SLC22A23: variants seen among roughly 807,000 people sequenced by gnomAD.
SLC22A23 encodes the protein ion transporter protein.
SLC22A23 carries 26 observed loss-of-function variants against 61.0 expected under a neutral mutation model. That is an observed-to-expected ratio of 0.43 (90% CI 0.31 to 0.59). The LOEUF (loss-of-function observed/expected upper bound fraction) is 0.59. SLC22A23 is among the 20% of genes least tolerant of loss of function. The pLI, the probability that SLC22A23 is intolerant of heterozygous loss-of-function variation, is 0.11. For missense variants in SLC22A23, 796 were observed against 934.7 expected (o/e 0.85, Z 1.94); for synonymous variants, 430 against 413.9 (o/e 1.04, Z -0.47).
chr6:3,295,198 A>C (rs1414831780), intron 5 of SLC22A23, among the ~76,000 whole-genome samples: 1 of 152,200 alleles, frequency 6.6e-6, no homozygotes, highest in Admixed American at 6.5e-5. Context: ...GGAACCCTGC[A>C]ATTACTCGTC....
At chr6:3,316,573 G>A (rs1762654465) in intron 4 of SLC22A23, among the ~76,000 whole-genome samples, 2 of 152,226 alleles carry the variant, frequency 1.3e-5, no homozygotes, top group Admixed American at 1.3e-4. Flanking sequence ...ATGTTGGGCT[G>A]AGAGCCCTCA....
In SLC22A23 at chr6:3,360,122, G is replaced by A. The variant is rs1194953828; in HGVS notation, c.914-36120C>T. Among the ~76,000 whole-genome samples, 2 of 152,202 alleles carry A rather than the reference G, an allele frequency of 1.3e-5. No individual in the cohort carries two copies. The highest frequency in any genetic ancestry group is 3.9e-4 in the East Asian group (2 of 5,190). ...CGGGACTAAGGGATGGGAATGGGGA[G>A]TGTTTATTGGGGACAGAGTTTGTTT... On this transcript the variant is annotated intron_variant, in intron 3 of 9. Coordinates refer to ENST00000406686, the MANE Select transcript of SLC22A23 (RefSeq NM_015482.2). The surrounding 1 kb of genome is among the most constrained non-coding windows in gnomAD (Gnocchi z 4.6).
At chr6:3,296,835 T>C (rs1182988521) in intron 5 of SLC22A23, among the ~76,000 whole-genome samples, 1 of 152,170 alleles carries the variant, frequency 6.6e-6, no homozygotes, top group Non-Finnish European at 1.5e-5. Flanking sequence ...TCTAGTGACC[T>C]AGTGTCCCCG....
chr6:3,287,432 C>A (rs1429480134), intron 6 of SLC22A23, among the ~76,000 whole-genome samples: 1 of 152,124 alleles, frequency 6.6e-6, no homozygotes, highest in Non-Finnish European at 1.5e-5. Flanking sequence ...GGTACTGACT[C>A]ATTTAACCCA....
rs931849188 is a variant in SLC22A23, at chr6:3,317,605, G to A, written c.1082+6229C>T. On this transcript the variant is annotated intron_variant, in intron 4 of 9. Transcript: ENST00000406686. The surrounding 1 kb of genome is among the most constrained non-coding windows in gnomAD (Gnocchi z 4.4). ...CGGTATGACTTCCTTCTAGATGAGCGCTAAATCCCTGCTGCTCTTTACCGA... is the reference window on the plus strand; with the variant it reads ...CGGTATGACTTCCTTCTAGATGAGCACTAAATCCCTGCTGCTCTTTACCGA... Among the ~76,000 whole-genome samples the A allele has an allele frequency of 1.3e-5, 2 of 152,164 alleles. No individual in the cohort carries two copies. Among genetic ancestry groups the A allele is most frequent in the African/African-American group, 2.4e-5 (1 of 41,432 alleles).
chr6:3,277,600 C>T (rs1246291664), intron 9 of SLC22A23, among the ~76,000 whole-genome samples: 2 of 152,322 alleles, frequency 1.3e-5, no homozygotes, highest in East Asian at 1.9e-4. Flanking sequence ...AAGACACATT[C>T]GCATTGCGTG....
At position 3,272,954 on chromosome 6, in the gene SLC22A23, T is replaced by A; in HGVS notation, c.*101A>T. 9.1e-7 allele frequency: 1 copy of A among 1,104,798 alleles called. No individual in the cohort carries two copies. Among genetic ancestry groups the A allele is most frequent in the Non-Finnish European group, 1.3e-6 (1 of 781,046 alleles). The allele number at this position is 1,104,798 out of a possible 1,614,324, so 68.4% of individuals were successfully genotyped here. ...CACCAGTTGAGAGGCTCAGCTTGGCTGAGGCAGCTTTCCCACCCCTGGCTG... is the reference window on the plus strand; with the variant it reads ...CACCAGTTGAGAGGCTCAGCTTGGCAGAGGCAGCTTTCCCACCCCTGGCTG... On this transcript the variant is annotated 3_prime_UTR_variant, in exon 10 of 10. Coordinates refer to ENST00000406686, the MANE Select transcript of SLC22A23 (RefSeq NM_015482.2).
intron 3 of SLC22A23, among the ~76,000 whole-genome samples, chr6:3,385,869 G>GT (rs1296517732): frequency 6.6e-6 from 1 of 152,208 alleles, no homozygotes; most frequent in Non-Finnish European, 1.5e-5. Flanking sequence ...ACAGAGAGAC[G>GT]TATTAGAGCT....
At chr6:3,299,674 C>T (rs9405627) in intron 4 of SLC22A23, among the ~76,000 whole-genome samples, 13,072 of 152,286 alleles carry the variant, frequency 0.086, 767 homozygotes, top group East Asian at 0.24. Context: ...CTGCAAAAGT[C>T]CAAGTCATCA....
Position 3,324,697 on chromosome 6 carries a change from C to T in SLC22A23, c.914-695G>A, listed in dbSNP as rs1344791108. 1.3e-5 allele frequency among the ~76,000 whole-genome samples: 2 copies of T among 152,228 alleles called. No homozygotes were observed. The highest frequency in any genetic ancestry group is 1.3e-4 in the Admixed American group (2 of 15,286). ...GTGGGAGTTCTGTGGGCCACTGCAA[C>T]ACGGGTGAGTCATGCATCCTTTCTC... On this transcript the variant is annotated intron_variant, in intron 3 of 9. Coordinates refer to ENST00000406686, the MANE Select transcript of SLC22A23 (RefSeq NM_015482.2). This position sits in a 1 kb window ranked among gnomAD's most constrained non-coding sequence, Gnocchi z 4.3.
chr6:3,285,971 A>G (rs1488546760), intron 7 of SLC22A23, among the ~76,000 whole-genome samples: 1 of 152,072 alleles, frequency 6.6e-6, no homozygotes, highest in Non-Finnish European at 1.5e-5. Context: ...CTGCCTGTTC[A>G]CGTCGCGCCC....
chr6:3,369,167 T>C (rs1328557277), intron 3 of SLC22A23, among the ~76,000 whole-genome samples: 2 of 152,156 alleles, frequency 1.3e-5, no homozygotes, highest in Non-Finnish European at 2.9e-5. Context: ...GTGGTGACAT[T>C]CCTGGGCAGA....
rs2127563181 is a variant in SLC22A23 at position 3,456,844 on chromosome 6, G to C, written c.-285C>G. ...GGCTCATCAGTTCCGCGGCCCGGGC[G>C]CCGGCTGCCGAGCCCGCCGCTCTCC... On this transcript the variant is annotated 5_prime_UTR_variant, in exon 1 of 10. Transcript: ENST00000406686. This position sits in a 1 kb window ranked among gnomAD's most constrained non-coding sequence, Gnocchi z 7.1. 6.8e-6 allele frequency: 1 copy of C among 146,738 alleles called. No individual in the cohort carries two copies. Among genetic ancestry groups the C allele is most frequent in the East Asian group, 2.0e-4 (1 of 4,974 alleles). The allele number at this position is 146,738 out of a possible 1,614,324, so 9.1% of individuals were successfully genotyped here.
chr6:3,439,187 C>G (rs917551905), intron 1 of SLC22A23: 16 of 356,302 alleles, frequency 4.5e-5, no homozygotes, highest in Non-Finnish European at 8.8e-5. Flanking sequence ...ACCCCTGCCT[C>G]TACCCACCAG....
intron 9 of SLC22A23, among the ~76,000 whole-genome samples, chr6:3,274,931 A>G (rs1019742714): frequency 3.3e-5 from 5 of 151,990 alleles, no homozygotes; most frequent in African/African-American, 1.2e-4. Context: ...TACATTCCAC[A>G]TAATCCCTAT....
intron 3 of SLC22A23, among the ~76,000 whole-genome samples, chr6:3,392,946 A>C (rs934334428): frequency 2.0e-5 from 3 of 152,182 alleles, no homozygotes; most frequent in Non-Finnish European, 4.4e-5. Flanking sequence ...TGTTTCTAGC[A>C]GAGCAGACAC....
Position 3,439,372 on chromosome 6 carries a change from A to G in SLC22A23, c.654+16534T>C, listed in dbSNP as rs1276048253. On this transcript the variant is annotated intron_variant, in intron 1 of 9. Transcript: ENST00000406686. ...CTACAGGCATTTCTGAAAGTTCCCCAGGGTGACTCTAAGTGCACCGGAGCC... is the reference window on the plus strand; with the variant it reads ...CTACAGGCATTTCTGAAAGTTCCCCGGGGTGACTCTAAGTGCACCGGAGCC... 6 of 448,356 alleles carry G rather than the reference A, an allele frequency of 1.3e-5. No homozygotes were observed. In the Admixed American group the frequency reaches 1.5e-4, roughly 11 times the overall value. The allele number at this position is 448,356 out of a possible 1,614,324, so 27.8% of individuals were successfully genotyped here.
At chr6:3,395,415 T>C (rs2127492251) in intron 3 of SLC22A23, among the ~76,000 whole-genome samples, 1 of 152,310 alleles carries the variant, frequency 6.6e-6, no homozygotes, top group Non-Finnish European at 1.5e-5. Context: ...TGCCCATCCA[T>C]CTTGTAAAGA....
chr6:3,276,579 CT>C, intron 9 of SLC22A23: 1 of 152,730 alleles, frequency 6.5e-6, no homozygotes, highest in Non-Finnish European at 1.5e-5. Context: ...TGTCCTCTGC[CT>C]TTCAGTCCCA....
Sources: gnomAD v4.1 joint callset for allele counts (sites outside exome capture counted in the v4.1 genomes callset) on GRCh38, gnomAD v4.1.1 for gene constraint, Gnocchi (gnomAD v3.1) non-coding constraint, MANE v1.5 for transcripts, NCBI Gene and HGNC (gene_info 2026-07-23, HGNC 2026-07-21) for gene names.